The following PTPRK variants were observed in gnomAD, a reference collection of about 807,000 sequenced individuals.
PTPRK encodes the protein receptor-type tyrosine-protein phosphatase kappa.
A neutral mutation model predicts 178.0 loss-of-function variants in PTPRK; 75 were observed. The ratio of observed to expected loss-of-function variants is 0.42; its 90% CI spans 0.35 to 0.51. The LOEUF is 0.51. PTPRK is among the 20% of genes least tolerant of loss of function. The pLI is 0.02. For missense variants in PTPRK, 1,441 were observed against 1,797.8 expected, an observed-to-expected ratio of 0.80 and a Z score of 3.59; for synonymous variants, 637 against 620.6, an observed-to-expected ratio of 1.03 and a Z score of -0.39.
Position 128,331,753 on chromosome 6 carries a change from T to C in PTPRK, c.224-9443A>G, listed in dbSNP as rs574937658. Among the ~76,000 whole-genome samples, 10 of 84,872 alleles carry C rather than the reference T, an allele frequency of 1.2e-4. 1 individual carries two copies. In the East Asian group the frequency reaches 3.2e-3, roughly 27 times the overall value. 55.7% of individuals were successfully genotyped at this position (84,872 alleles called of 152,430 possible). On this transcript the variant is annotated intron_variant, in intron 2 of 29. Coordinates refer to ENST00000368226, the MANE Select transcript of PTPRK (RefSeq NM_002844.4). ...TCAGAAAAAGTTAGAAAAAGTAAAC[T>C]TGTCCCCCAAACTTCAAATTAACTG...
At chr6:128,251,336 T>C (rs1160086160) in intron 3 of PTPRK, among the ~76,000 whole-genome samples, 1 of 152,188 alleles carries the variant, frequency 6.6e-6, no homozygotes, top group Non-Finnish European at 1.5e-5. Context: ...CAACTAAATA[T>C]GGAAGGCAAT....
At chr6:128,185,074 T>G (rs1802539673) in intron 6 of PTPRK, among the ~76,000 whole-genome samples, 1 of 152,194 alleles carries the variant, frequency 6.6e-6, no homozygotes, top group Non-Finnish European at 1.5e-5. Flanking sequence ...TGACAATTTA[T>G]TTCATTCACA....
intron 21 of PTPRK, among the ~76,000 whole-genome samples, chr6:127,987,415 G>C (rs1776107126): frequency 4.0e-5 from 6 of 151,872 alleles, no homozygotes; most frequent in Admixed American, 3.9e-4. Context: ...GTACACTTTT[G>C]TGTTTTTATT....
At chr6:128,303,984 G>A (rs978502381) in intron 3 of PTPRK, among the ~76,000 whole-genome samples, 5 of 152,160 alleles carry the variant, frequency 3.3e-5, no homozygotes, top group African/African-American at 1.2e-4. Flanking sequence ...CATGGAAGAT[G>A]GTTGTGTCAC....
At chr6:128,029,493 A>G (rs1180890669) in intron 13 of PTPRK, among the ~76,000 whole-genome samples, 1 of 152,020 alleles carries the variant, frequency 6.6e-6, no homozygotes, top group East Asian at 1.9e-4. Flanking sequence ...ACTACTAAAA[A>G]TACAAAAATT....
At chr6:128,041,866 C>T (rs535227114) in intron 13 of PTPRK, among the ~76,000 whole-genome samples, 1 of 151,354 alleles carries the variant, frequency 6.6e-6, no homozygotes, top group East Asian at 1.9e-4. Context: ...GTATATATAG[C>T]TATATATATA....
intron 14 of PTPRK, among the ~76,000 whole-genome samples, chr6:128,007,010 G>T (rs1778506036): frequency 1.3e-5 from 2 of 150,652 alleles, no homozygotes; most frequent in Non-Finnish European, 1.5e-5. Flanking sequence ...CTAAAATGTA[G>T]ATAAGAGGCT....
intron 1 of PTPRK, among the ~76,000 whole-genome samples, chr6:128,499,863 T>A (rs2128436481): frequency 6.6e-6 from 1 of 152,354 alleles, no homozygotes; most frequent in African/African-American, 2.4e-5. Flanking sequence ...CTGGTTTTCT[T>A]CCTTAAGCTG....
intron 6 of PTPRK, among the ~76,000 whole-genome samples, chr6:128,196,298 A>G (rs1804847066): frequency 6.6e-6 from 1 of 152,138 alleles, no homozygotes; most frequent in South Asian, 2.1e-4. Flanking sequence ...CCTGTCCTCA[A>G]TAATCAAAGT....
At chr6:128,432,661 G>C (rs1844984413) in intron 1 of PTPRK, among the ~76,000 whole-genome samples, 1 of 151,920 alleles carries the variant, frequency 6.6e-6, no homozygotes, top group African/African-American at 2.4e-5. Flanking sequence ...AAAGGGCTCA[G>C]CTGAGTCTTT....
chr6:127,977,076 G>A (rs553934012), intron 25 of PTPRK, 22 bp from the exon 26 acceptor site: 12 of 1,611,040 alleles, frequency 7.4e-6, no homozygotes, highest in Admixed American at 1.7e-5. Context: ...CAAGGTAGAT[G>A]GAGAAATATA....
intron 11 of PTPRK, among the ~76,000 whole-genome samples, chr6:128,068,582 G>T (rs533357103): frequency 6.6e-6 from 1 of 151,738 alleles, no homozygotes; most frequent in South Asian, 2.1e-4. Context: ...GAAAAACAAG[G>T]CAAATTTAAA....
chr6:128,038,626 A>G (rs746918182), intron 13 of PTPRK, among the ~76,000 whole-genome samples: 3 of 152,224 alleles, frequency 2.0e-5, no homozygotes, highest in Non-Finnish European at 4.4e-5. Context: ...ACTGCAGCTC[A>G]GGAAATGCGA....
intron 2 of PTPRK, among the ~76,000 whole-genome samples, chr6:128,374,408 G>A (rs780507252): frequency 1.3e-5 from 2 of 152,014 alleles, no homozygotes; most frequent in Non-Finnish European, 2.9e-5. Flanking sequence ...CATGCATATC[G>A]ATTAAGTATT....
intron 1 of PTPRK, among the ~76,000 whole-genome samples, chr6:128,415,273 G>GA (rs551155794): frequency 1.3e-3 from 204 of 151,922 alleles, no homozygotes; most frequent in Non-Finnish European, 2.4e-3. Flanking sequence ...AAAATTGAAA[G>GA]AAAAAAATGT....
chr6:128,058,746 G>C (rs1394969449), intron 13 of PTPRK, among the ~76,000 whole-genome samples: 2 of 151,102 alleles, frequency 1.3e-5, no homozygotes, highest in Non-Finnish European at 3.0e-5. Context: ...TTTTTTTCTG[G>C]TGGAGGATGG....
chr6:128,025,378 C>A (rs1774133063), intron 13 of PTPRK, among the ~76,000 whole-genome samples: 1 of 152,112 alleles, frequency 6.6e-6, no homozygotes, highest in African/African-American at 2.4e-5. Context: ...CAAAATTGTC[C>A]TACCTTATAG....
chr6:128,372,308 T>C (rs142527994), intron 2 of PTPRK, among the ~76,000 whole-genome samples: 4,286 of 152,126 alleles, frequency 0.028, 80 homozygotes, highest in Middle Eastern at 0.058. Flanking sequence ...TAAAAATAAA[T>C]TAGAAGTGAA....
intron 24 of PTPRK, 38 bp downstream of exon 24, chr6:127,982,793 T>C (rs1775498604): frequency 7.7e-6 from 12 of 1,563,780 alleles, no homozygotes; most frequent in African/African-American, 1.4e-5. Flanking sequence ...GAACAAATTG[T>C]AGTAAGTCAC....
Sources: allele counts gnomAD v4.1 joint callset (sites outside exome capture counted in the v4.1 genomes callset), GRCh38; gene constraint gnomAD v4.1.1; transcripts MANE v1.5; gene names NCBI Gene and HGNC (gene_info 2026-07-23, HGNC 2026-07-21).